BCL2L13: variants seen among roughly 807,000 people sequenced by gnomAD.
BCL2L13 encodes the protein BCL2 like 13.
A neutral mutation model predicts 25.8 loss-of-function variants in BCL2L13; 13 were observed. The ratio of observed to expected loss-of-function variants is 0.50; its 90% CI spans 0.33 to 0.80. BCL2L13 has a LOEUF of 0.80. Among genes scored for constraint, BCL2L13 ranks in the 30% least tolerant of loss-of-function variants. The pLI, the probability that BCL2L13 is intolerant of heterozygous loss-of-function variation, is 0.02. For synonymous variants in BCL2L13, 244 were observed against 230.3 expected (o/e 1.06, Z -0.54); for missense variants, 504 against 574.9 (o/e 0.88, Z 1.26).
chr22:17,655,909 A>G, intron 2 of BCL2L13, 77 bp downstream of exon 2: 1 of 1,383,192 alleles, frequency 7.2e-7, no homozygotes, highest in Non-Finnish European at 9.8e-7. Context: ...TATCTAATTT[A>G]TATGTGTGGT....
intron 6 of BCL2L13, among the ~76,000 whole-genome samples, chr22:17,718,241 A>G (rs1472113076): frequency 6.6e-6 from 1 of 152,178 alleles, no homozygotes; most frequent in African/African-American, 2.4e-5. Context: ...ATGTATTTAG[A>G]TATTAGAAGA....
chr22:17,691,147 G>A (rs1003878662), intron 4 of BCL2L13, among the ~76,000 whole-genome samples: 1 of 152,048 alleles, frequency 6.6e-6, no homozygotes, highest in African/African-American at 2.4e-5. Context: ...GATTACAGGT[G>A]TGAGCCATTG....
In BCL2L13 at chr22:17,726,926, G is replaced by C. The variant is rs1371774529; in HGVS notation, c.850G>C (p.Glu284Gln). Residue 284 changes from glutamate (E) to glutamine (Q), a missense_variant, in exon 7 of 7, where the codon GAA (glutamate) becomes CAA (glutamine). By Grantham distance (29) the Glu-to-Gln change is conservative. Transcript: ENST00000317582. The stretch of plus-strand genomic sequence containing the variant: ...CTGGCAGCAGATTGCAATGGATCCT[G>C]AAGAAGTGAAAAGCTTAGACAGCAA... ...ESWQQIAMDP[E>Q]EVKSLDSNGA... is the part of the protein sequence containing the mutation. 1 of 1,614,072 alleles carries C rather than the reference G, an allele frequency of 6.2e-7. No homozygotes were observed. Among genetic ancestry groups the C allele is most frequent in the Admixed American group, 1.7e-5 (1 of 59,988 alleles).
At chr22:17,631,148 G>A (rs1416787666) in intron 1 of BCL2L13, among the ~76,000 whole-genome samples, 1 of 151,070 alleles carries the variant, frequency 6.6e-6, no homozygotes, top group Non-Finnish European at 1.5e-5. Context: ...TCATGCTGGA[G>A]TGCAGTGGTG....
At chr22:17,711,529 G>C (rs895132699) in intron 6 of BCL2L13, among the ~76,000 whole-genome samples, 6 of 152,012 alleles carry the variant, frequency 3.9e-5, no homozygotes, top group Non-Finnish European at 5.9e-5. Context: ...AAAATCCTGG[G>C]CTCAAGTGAT....
chr22:17,716,915 G>A (rs1051131742), intron 6 of BCL2L13, among the ~76,000 whole-genome samples: 1 of 152,096 alleles, frequency 6.6e-6, no homozygotes, highest in African/African-American at 2.4e-5. Context: ...CACCTTTTAT[G>A]AGATAGAGGC....
chr22:17,636,331 GAA>G (rs75562807), upstream of BCL2L13, among the ~76,000 whole-genome samples: 62 of 103,100 alleles, frequency 6.0e-4, no homozygotes, highest in African/African-American at 1.4e-3. Flanking sequence ...TCAAAAAAAA[GAA>G]AAAAAAAAAA....
chr22:17,653,649 C>T (rs549990809), intron 1 of BCL2L13, among the ~76,000 whole-genome samples: 5 of 151,846 alleles, frequency 3.3e-5, no homozygotes, highest in South Asian at 2.1e-4. Context: ...GGACTACAGG[C>T]GCATGCCACC....
At chr22:17,671,294 C>T (rs562708879) in intron 2 of BCL2L13, among the ~76,000 whole-genome samples, 1 of 149,398 alleles carries the variant, frequency 6.7e-6, no homozygotes, top group Non-Finnish European at 1.5e-5. Flanking sequence ...CTGGGAAGGC[C>T]GAGGCAGGAG....
intron 2 of BCL2L13, among the ~76,000 whole-genome samples, chr22:17,676,152 G>A (rs1470684229): frequency 6.6e-6 from 1 of 152,164 alleles, no homozygotes; most frequent in Non-Finnish European, 1.5e-5. Flanking sequence ...ACCCTTTGTG[G>A]TGGGTATTAT....
intron 1 of BCL2L13, among the ~76,000 whole-genome samples, chr22:17,644,926 C>T (rs2058421635): frequency 6.6e-6 from 1 of 150,758 alleles, no homozygotes; most frequent in Admixed American, 6.6e-5. Flanking sequence ...TCTCCCACCT[C>T]AGCCTCCTGA....
At chr22:17,633,097 A>G (rs2058056169) in intron 1 of BCL2L13, among the ~76,000 whole-genome samples, 2 of 152,198 alleles carry the variant, frequency 1.3e-5, no homozygotes, top group Admixed American at 6.6e-5. Context: ...AAATACAAAA[A>G]AGTACAAAGA....
chr22:17,659,363 C>CA (rs1282502346), intron 2 of BCL2L13, among the ~76,000 whole-genome samples: 1 of 141,578 alleles, frequency 7.1e-6, no homozygotes, highest in African/African-American at 2.5e-5. Context: ...GACTTCGTCT[C>CA]AAAAAACAAA....
intron 5 of BCL2L13, among the ~76,000 whole-genome samples, chr22:17,701,483 T>G (rs1371439087): frequency 1.3e-5 from 2 of 152,234 alleles, no homozygotes; most frequent in Admixed American, 1.3e-4. Flanking sequence ...TGGTACTGTA[T>G]GTATTCTTCT....
At chr22:17,664,797 T>C (rs1779741882) in intron 2 of BCL2L13, among the ~76,000 whole-genome samples, 1 of 152,208 alleles carries the variant, frequency 6.6e-6, no homozygotes, top group South Asian at 2.1e-4. Context: ...CTGAAGCCAT[T>C]TCCCGAGCTG....
intron 1 of BCL2L13, among the ~76,000 whole-genome samples, chr22:17,651,183 A>G (rs191716933): frequency 6.5e-4 from 98 of 151,756 alleles, no homozygotes; most frequent in Admixed American, 6.6e-5. Context: ...TATTTTTAGT[A>G]GAGACAGGGT....
At chr22:17,702,529 A>T in intron 6 of BCL2L13, 143 bp downstream of exon 6, 1 of 777,492 alleles carries the variant, frequency 1.3e-6, no homozygotes, top group Middle Eastern at 3.9e-4. Context: ...CTTCGGTCTC[A>T]AACTCCTGGG....
intron 1 of BCL2L13, among the ~76,000 whole-genome samples, chr22:17,651,290 G>A (rs1311460642): frequency 6.6e-6 from 1 of 151,786 alleles, no homozygotes; most frequent in African/African-American, 2.4e-5. Flanking sequence ...GAGCCATGGC[G>A]CTGGGCCATT....
intron 6 of BCL2L13, among the ~76,000 whole-genome samples, chr22:17,708,396 A>C (rs776725902): frequency 2.6e-5 from 4 of 152,190 alleles, no homozygotes; most frequent in Non-Finnish European, 4.4e-5. Context: ...TCCCAGCTTT[A>C]TTACTTTGGG....
Sources: allele counts gnomAD v4.1 joint callset (sites outside exome capture counted in the v4.1 genomes callset), GRCh38; gene constraint gnomAD v4.1.1; transcripts MANE v1.5; gene names NCBI Gene and HGNC (gene_info 2026-07-23, HGNC 2026-07-21).